ZNF397: variants seen among roughly 807,000 people sequenced by gnomAD.
ZNF397 encodes zinc finger and SCAN domain-containing protein 15.
ZNF397 carries 38 observed loss-of-function variants against 50.6 expected under a neutral mutation model. The ratio of observed to expected loss-of-function variants is 0.75; its 90% CI spans 0.58 to 0.98. The LOEUF is 0.98. ZNF397 is among the 50% of genes least tolerant of loss of function. ZNF397 has a pLI of 0.00. For synonymous variants in ZNF397, 228 were observed against 215.2 expected (o/e 1.06, Z -0.52); for missense variants, 624 against 624.1 (o/e 1.00, Z 0.00).
chr18:35,241,678 T>G (rs896254980), intron 1 of ZNF397: 6 of 152,230 alleles, frequency 3.9e-5, no homozygotes, highest in African/African-American at 1.4e-4. Flanking sequence ...CCTATCATGT[T>G]TTTGAACACA....
At chr18:35,254,681 G>T, downstream of ZNF397, 1 of 461,376 alleles carries the variant, frequency 2.2e-6, no homozygotes, top group Non-Finnish European at 3.9e-6. Context: ...CAGGAAGCTA[G>T]GAGACAATCT....
Position 35,247,209 on chromosome 18 carries a change from T to A in ZNF397, c.*899T>A, listed in dbSNP as rs1209935866. Reference sequence around the variant, plus strand: ...CTCTTAAGCAGTGCCAATGGAGAAGTTCCTGTTAATAGACAAAACCTGGAG... The same window carrying A: ...CTCTTAAGCAGTGCCAATGGAGAAGATCCTGTTAATAGACAAAACCTGGAG... On this transcript the variant is annotated 3_prime_UTR_variant, in exon 4 of 4. Transcript: ENST00000330501. 2 of 983,158 alleles carry A rather than the reference T, an allele frequency of 2.0e-6. No homozygotes were observed. The highest frequency in any genetic ancestry group is 2.4e-6 in the Non-Finnish European group (2 of 828,036). The allele number at this position is 983,158 out of a possible 1,614,324, so 60.9% of individuals were successfully genotyped here.
downstream of ZNF397, chr18:35,253,565 G>T (rs531011605): frequency 6.8e-6 from 11 of 1,612,736 alleles, no homozygotes; most frequent in African/African-American, 1.3e-5. Flanking sequence ...CTGGTGCTGG[G>T]TGAGGGCTGA....
chr18:35,242,942 G>T, intron 2 of ZNF397, 58 bp downstream of exon 2: 1 of 1,541,898 alleles, frequency 6.5e-7, no homozygotes, highest in Non-Finnish European at 8.7e-7. Context: ...GCATGTAATG[G>T]TATCATAACA....
At chr18:35,254,779 G>A (rs990408417), downstream of ZNF397, among the ~76,000 whole-genome samples, 3 of 152,154 alleles carry the variant, frequency 2.0e-5, no homozygotes, top group Non-Finnish European at 2.9e-5. Context: ...AGATATCTAA[G>A]AGTCTTAAAT....
In ZNF397 at chr18:35,246,340, TTCAG is replaced by T. The variant is rs1027160216; in HGVS notation, c.*35_*38del. The T allele has an allele frequency of 2.0e-6, 3 of 1,480,212 alleles. No homozygotes were observed. Among genetic ancestry groups the T allele is most frequent in the African/African-American group, 1.4e-5 (1 of 70,124 alleles). The allele number at this position is 1,480,212 out of a possible 1,614,324, so 91.7% of individuals were successfully genotyped here. A position where few individuals can be genotyped will look rare whatever the true frequency, so the allele number is the denominator to read the frequency against. On this transcript the variant is annotated 3_prime_UTR_variant, in exon 4 of 4. Coordinates refer to ENST00000330501, the MANE Select transcript of ZNF397 (RefSeq NM_001135178.3). The stretch of plus-strand genomic sequence containing the variant: ...TGAATACTGTGAATAGTGTAAATAC[TTCAG>T]TCAGATTTTTAAGTTTGTTAGTCAA...
chr18:35,253,423 A>T (rs374959662), downstream of ZNF397: 16 of 1,523,506 alleles, frequency 1.1e-5, no homozygotes, highest in African/African-American at 2.1e-4. Context: ...CTTGCATTTC[A>T]CAATTGTACA....
chr18:35,243,387 T>G (rs745413583), intron 3 of ZNF397, 94 bp downstream of exon 3: 119 of 1,571,040 alleles, frequency 7.6e-5, no homozygotes, highest in Non-Finnish European at 9.5e-5. Flanking sequence ...TTGCCACATG[T>G]GAGCATCACC....
chr18:35,245,234 T>C (rs751798767), intron 3 of ZNF397, 28 bp from the exon 4 acceptor site: 24 of 1,550,582 alleles, frequency 1.5e-5, no homozygotes, highest in East Asian at 2.3e-5. Context: ...AAATGTAATA[T>C]CTGTTTTTTT....
At chr18:35,255,464 A>T (rs1218479305) in intron 5 of ZNF397, among the ~76,000 whole-genome samples, 1 of 152,080 alleles carries the variant, frequency 6.6e-6, no homozygotes, top group African/African-American at 2.4e-5. Flanking sequence ...CCATAGAAGT[A>T]ATAATTGCTA....
chr18:35,245,117 G>A (rs1598582197), intron 3 of ZNF397, 145 bp from the exon 4 acceptor site: 2 of 1,009,558 alleles, frequency 2.0e-6, no homozygotes, highest in South Asian at 2.0e-5. Flanking sequence ...AGATAAGAGA[G>A]ACCCTCTTTT....
intron 5 of ZNF397, chr18:35,257,811 A>T (rs1379172912): frequency 3.9e-6 from 3 of 768,454 alleles, no homozygotes; most frequent in Admixed American, 3.5e-5. Context: ...CAGTGCAATT[A>T]TGCTTCAGCG....
chr18:35,257,707 G>A (rs2043884379), intron 5 of ZNF397, among the ~76,000 whole-genome samples: 1 of 152,180 alleles, frequency 6.6e-6, no homozygotes, highest in South Asian at 2.1e-4. Flanking sequence ...GCCTCCTTCT[G>A]TGGAGAATTA....
downstream of ZNF397, chr18:35,251,012 G>A (rs571245856): frequency 3.3e-5 from 5 of 152,206 alleles, no homozygotes; most frequent in African/African-American, 1.2e-4. Context: ...CATTATCTCT[G>A]TTCATGTTAT....
chr18:35,242,126 C>T (rs557124405), intron 1 of ZNF397, among the ~76,000 whole-genome samples: 2 of 152,308 alleles, frequency 1.3e-5, no homozygotes, highest in African/African-American at 4.8e-5. Flanking sequence ...GAAATTTTCT[C>T]ACTATGTGAT....
At chr18:35,253,790 T>C (rs2043682424), downstream of ZNF397, 1 of 1,614,092 alleles carries the variant, frequency 6.2e-7, no homozygotes. Context: ...ATAAGGCTTC[T>C]CTCCAGTGTG....
chr18:35,257,395 C>G (rs1569064732), intron 5 of ZNF397: 1 of 153,146 alleles, frequency 6.5e-6, no homozygotes, highest in Non-Finnish European at 1.5e-5. Flanking sequence ...GTCCTAACCC[C>G]CAAGGTGATG....
rs764575514 is a variant in ZNF397 at position 35,246,342 on chromosome 18, C to A, written c.*32C>A. On this transcript the variant is annotated 3_prime_UTR_variant, in exon 4 of 4. Coordinates refer to ENST00000330501, the MANE Select transcript of ZNF397 (RefSeq NM_001135178.3). ...AATACTGTGAATAGTGTAAATACTT[C>A]AGTCAGATTTTTAAGTTTGTTAGTC... 23 of 1,479,902 alleles carry A rather than the reference C, an allele frequency of 1.6e-5. No individual in the cohort carries two copies. Among genetic ancestry groups the A allele is most frequent in the Non-Finnish European group, 1.9e-5 (21 of 1,116,762 alleles). The allele number at this position is 1,479,902 out of a possible 1,614,324, so 91.7% of individuals were successfully genotyped here.
downstream of ZNF397, among the ~76,000 whole-genome samples, chr18:35,250,202 T>TA (rs2043554312): frequency 6.6e-6 from 1 of 152,154 alleles, no homozygotes; most frequent in Admixed American, 6.5e-5. Context: ...CTTTGATTAT[T>TA]AGAGTTTTTC....
Sources: allele counts gnomAD v4.1 joint callset (sites outside exome capture counted in the v4.1 genomes callset), GRCh38; gene constraint gnomAD v4.1.1; transcripts MANE v1.5; gene names NCBI Gene and HGNC (gene_info 2026-07-23, HGNC 2026-07-21).